ACBD6: variants seen among roughly 807,000 people sequenced by gnomAD.
ACBD6 encodes the protein acyl-CoA binding domain containing 6.
Under a neutral mutation model 37.2 loss-of-function variants are expected in ACBD6, and 28 were observed. That is an observed-to-expected ratio of 0.75 (90% CI 0.56 to 1.03). The LOEUF is 1.03. Ranked by LOEUF, ACBD6 falls within the 50% of genes least tolerant of loss-of-function variation. The pLI, the probability that ACBD6 is intolerant of heterozygous loss-of-function variation, is 0.00. For missense variants in ACBD6, 340 were observed against 337.4 expected (o/e 1.01, Z -0.06); for synonymous variants, 113 against 126.8 (o/e 0.89, Z 0.73).
chr1:180,494,903 T>A (rs144592269), intron 2 of ACBD6, among the ~76,000 whole-genome samples: 1 of 152,236 alleles, frequency 6.6e-6, no homozygotes, highest in African/African-American at 2.4e-5. Flanking sequence ...TTTTTTTATA[T>A]ATTCAGAGAA....
chr1:180,388,734 C>G (rs1358149935), intron 6 of ACBD6, among the ~76,000 whole-genome samples: 3 of 151,872 alleles, frequency 2.0e-5, no homozygotes, highest in Admixed American at 6.6e-5. Flanking sequence ...ACCCATCATG[C>G]CTGGCCAAAA....
rs115324209 is a variant in ACBD6, at chr1:180,465,420, T to C, written c.384+26849A>G. Among the ~76,000 whole-genome samples the C allele has an allele frequency of 3.9e-3, 596 of 152,208 alleles. 5 individuals are homozygous for C. Among genetic ancestry groups the C allele is most frequent in the African/African-American group, 0.014 (566 of 41,532 alleles). ...AGAAGGATGAAAGAAAAGCTCAACA[T>C]CACTGATCATTCGAGAAATGCAAAT... On this transcript the variant is annotated intron_variant, in intron 3 of 7. Transcript: ENST00000367595.
chr1:180,342,329 T>C (rs1319864730), intron 6 of ACBD6, among the ~76,000 whole-genome samples: 38 of 152,194 alleles, frequency 2.5e-4, no homozygotes, highest in Admixed American at 2.5e-3. Flanking sequence ...CTGAATTGTT[T>C]GTATGCGTCT....
Position 180,397,569 on chromosome 1 carries a change from G to A in ACBD6, c.610C>T (p.His204Tyr), listed in dbSNP as rs1360827828. Residue 204 changes from histidine to tyrosine, a missense_variant, in exon 6 of 8, where the codon CAT becomes TAT. Transcript: ENST00000367595. ...AGCAACACTGTGACTAGTTCCTTAT[G>A]TCCTCGATCACAGGCCCAGTGAAGT... ...ALLHWACDRG[H>Y]KELVTVLLQH... is the part of the protein sequence containing the mutation. 2 of 1,613,980 alleles carry A rather than the reference G, an allele frequency of 1.2e-6. No homozygotes were observed. The highest frequency in any genetic ancestry group is 1.1e-5 in the South Asian group (1 of 91,084).
chr1:180,456,188 G>C (rs1649915974), intron 3 of ACBD6, among the ~76,000 whole-genome samples: 1 of 148,886 alleles, frequency 6.7e-6, no homozygotes, highest in Non-Finnish European at 1.5e-5. Context: ...CTACAGCCTA[G>C]GCAACAGAGC....
chr1:180,412,020 C>T (rs9650999), intron 5 of ACBD6, among the ~76,000 whole-genome samples: 23,966 of 151,372 alleles, frequency 0.16, 1,951 homozygotes, highest in Middle Eastern at 0.22. Flanking sequence ...TCATGTGACT[C>T]GCTTTATTGC....
At chr1:180,347,213 G>GT (rs2101887611) in intron 6 of ACBD6, among the ~76,000 whole-genome samples, 1 of 152,182 alleles carries the variant, frequency 6.6e-6, no homozygotes, top group East Asian at 1.9e-4. Flanking sequence ...GGATGGTAAA[G>GT]TAACTTGAAA....
intron 3 of ACBD6, among the ~76,000 whole-genome samples, chr1:180,456,977 A>G (rs1466758662): frequency 6.6e-6 from 1 of 152,184 alleles, no homozygotes; most frequent in African/African-American, 2.4e-5. Flanking sequence ...ACACTATAAC[A>G]AGTATTTAAA....
intron 3 of ACBD6, among the ~76,000 whole-genome samples, chr1:180,440,352 G>A (rs1649231055): frequency 6.6e-6 from 1 of 152,074 alleles, no homozygotes; most frequent in Non-Finnish European, 1.5e-5. Flanking sequence ...CAAGTGATCT[G>A]CCCATCTCAG....
At chr1:180,408,622 A>G (rs935971902) in intron 5 of ACBD6, among the ~76,000 whole-genome samples, 1 of 152,122 alleles carries the variant, frequency 6.6e-6, no homozygotes, top group Non-Finnish European at 1.5e-5. Context: ...TACATATGTA[A>G]CTAACCTGCA....
chr1:180,474,351 G>A (rs1202056892), intron 3 of ACBD6, among the ~76,000 whole-genome samples: 1 of 151,872 alleles, frequency 6.6e-6, no homozygotes, highest in Non-Finnish European at 1.5e-5. Context: ...CTTTTAAAAG[G>A]GTATGCAGCC....
chr1:180,422,066 A>T (rs967591783), intron 4 of ACBD6, among the ~76,000 whole-genome samples: 1 of 152,210 alleles, frequency 6.6e-6, no homozygotes, highest in Admixed American at 6.5e-5. Context: ...AGAGTCTCTA[A>T]GTATGCCTTT....
chr1:180,462,333 G>T (rs964030906), intron 3 of ACBD6, among the ~76,000 whole-genome samples: 1 of 152,152 alleles, frequency 6.6e-6, no homozygotes, highest in Non-Finnish European at 1.5e-5. Context: ...TATGCTGTCT[G>T]CAAGAGACTC....
intron 5 of ACBD6, among the ~76,000 whole-genome samples, chr1:180,402,254 A>T (rs564132756): frequency 6.6e-6 from 1 of 152,246 alleles, no homozygotes; most frequent in Admixed American, 6.5e-5. Flanking sequence ...CCCTGTCCAT[A>T]GTGAAATGAC....
intron 1 of ACBD6, 30 bp downstream of exon 1, chr1:180,502,014 TC>T: frequency 6.2e-7 from 1 of 1,606,160 alleles, no homozygotes; most frequent in Non-Finnish European, 8.5e-7. Flanking sequence ...CGTGTCTTTC[TC>T]CCCCATCCAC....
At chr1:180,492,599 G>C (rs1342599958) in intron 2 of ACBD6, among the ~76,000 whole-genome samples, 1 of 151,762 alleles carries the variant, frequency 6.6e-6, no homozygotes, top group Non-Finnish European at 1.5e-5. Flanking sequence ...CGTCCTCCCC[G>C]TGAAATTTTA....
intron 7 of ACBD6, among the ~76,000 whole-genome samples, chr1:180,289,131 T>C (rs1212527117): frequency 2.7e-5 from 4 of 149,810 alleles, no homozygotes; most frequent in Admixed American, 2.7e-4. Context: ...TCAAGACTTA[T>C]AAATATGGTA....
intron 3 of ACBD6, among the ~76,000 whole-genome samples, chr1:180,446,356 TC>T (rs1649473800): frequency 6.6e-6 from 1 of 152,070 alleles, no homozygotes; most frequent in African/African-American, 2.4e-5. Context: ...CTCCATTAGT[TC>T]AAAGAGAAAA....
chr1:180,352,697 T>G (rs1652464561), intron 6 of ACBD6, among the ~76,000 whole-genome samples: 1 of 152,196 alleles, frequency 6.6e-6, no homozygotes, highest in Non-Finnish European at 1.5e-5. Context: ...TGTGATATGT[T>G]CAAGGAAAGA....
Sources: gnomAD v4.1 joint callset for allele counts (sites outside exome capture counted in the v4.1 genomes callset) on GRCh38, gnomAD v4.1.1 for gene constraint, MANE v1.5 for transcripts, NCBI Gene and HGNC (gene_info 2026-07-23, HGNC 2026-07-21) for gene names.